CHD6: variants seen among roughly 807,000 people sequenced by gnomAD.
The protein encoded by CHD6 is chromodomain helicase DNA binding protein 6.
In CHD6, 50 loss-of-function variants were observed where a neutral mutation model predicts 276.9. The ratio of observed to expected loss-of-function variants is 0.18; its 90% confidence interval spans 0.14 to 0.23. The LOEUF (loss-of-function observed/expected upper bound fraction) is 0.23, where lower values mean the gene tolerates loss of function less well. Among genes scored for constraint, CHD6 ranks in the 10% least tolerant of loss-of-function variants. The pLI is 1.00. For missense variants in CHD6, 2,564 were observed against 3,365.8 expected, an observed-to-expected ratio of 0.76 and a Z score of 5.89; for synonymous variants, 1,173 against 1,229.3, an observed-to-expected ratio of 0.95 and a Z score of 0.96.
chr20:41,601,054 G>A (rs1471841055), intron 1 of CHD6, among the ~76,000 whole-genome samples: 1 of 152,112 alleles, frequency 6.6e-6, no homozygotes, highest in Non-Finnish European at 1.5e-5. Flanking sequence ...ACCTTTCCAG[G>A]AATTTTCACT....
In CHD6 at chr20:41,404,095, A is replaced by G. The variant is rs2046602769; in HGVS notation, c.*498T>C. On this transcript the variant is annotated 3_prime_UTR_variant, in exon 37 of 37. Coordinates refer to ENST00000373233, the MANE Select transcript of CHD6 (RefSeq NM_032221.5). ...TACTACTCACTTAGTAATCATGATA[A>G]AATAGGGAAATATTTTAACTCAAAA... 3 of 1,051,182 alleles carry G rather than the reference A, an allele frequency of 2.9e-6. No homozygotes were observed. The South Asian group carries it at 1.4e-4, about 48-fold the overall frequency. The allele number at this position is 1,051,182 out of a possible 1,614,324, so 65.1% of individuals were successfully genotyped here. A position where few individuals can be genotyped will look rare whatever the true frequency, so the allele number is the denominator to read the frequency against.
chr20:41,566,089 T>A (rs2045352564), intron 1 of CHD6, among the ~76,000 whole-genome samples: 1 of 151,300 alleles, frequency 6.6e-6, no homozygotes, highest in South Asian at 2.1e-4. Context: ...TGAAGCACAT[T>A]AAAAAAAAAT....
At chr20:41,464,957 G>A (rs2042886689) in intron 17 of CHD6, among the ~76,000 whole-genome samples, 1 of 152,076 alleles carries the variant, frequency 6.6e-6, no homozygotes, top group Admixed American at 6.6e-5. Flanking sequence ...AAAATAAATA[G>A]AGTAATGGAT....
At chr20:41,484,736 T>C in intron 14 of CHD6, 129 bp from the exon 15 acceptor site, 1 of 945,148 alleles carries the variant, frequency 1.1e-6, no homozygotes, top group Non-Finnish European at 1.6e-6. Flanking sequence ...AAAAGAAAGA[T>C]TATGATCGAC....
At chr20:41,551,949 G>C (rs182201124) in intron 1 of CHD6, among the ~76,000 whole-genome samples, 9 of 152,108 alleles carry the variant, frequency 5.9e-5, no homozygotes, top group African/African-American at 2.2e-4. Flanking sequence ...CTCTATCCAG[G>C]ACATAAGCCC....
intron 1 of CHD6, among the ~76,000 whole-genome samples, chr20:41,563,657 T>TTAAGAAGA (rs1601145774): frequency 6.6e-6 from 1 of 152,228 alleles, no homozygotes; most frequent in East Asian, 1.9e-4. Context: ...ATAATTACTA[T>TTAAGAAGA]TAAGAAGAAC....
chr20:41,555,856 T>C (rs1369425058), intron 1 of CHD6, among the ~76,000 whole-genome samples: 9 of 150,254 alleles, frequency 6.0e-5, no homozygotes, highest in African/African-American at 1.9e-4. Flanking sequence ...GGGTGGCGGC[T>C]GGGCAGAGGC....
At chr20:41,516,839 A>C (rs987255922) in intron 3 of CHD6, among the ~76,000 whole-genome samples, 2 of 152,152 alleles carry the variant, frequency 1.3e-5, no homozygotes, top group African/African-American at 2.4e-5. Flanking sequence ...AAATGCTTTG[A>C]AAGGCCCAGC....
At chr20:41,410,936 G>A (rs2046824039) in intron 36 of CHD6, among the ~76,000 whole-genome samples, 1 of 152,194 alleles carries the variant, frequency 6.6e-6, no homozygotes, top group Non-Finnish European at 1.5e-5. Context: ...AAAGGAGAAG[G>A]TGGGAGGCAG....
intron 1 of CHD6, among the ~76,000 whole-genome samples, chr20:41,604,422 GA>G (rs2045806117): frequency 6.6e-6 from 1 of 152,068 alleles, no homozygotes; most frequent in Non-Finnish European, 1.5e-5. Flanking sequence ...AAAACCCCAG[GA>G]ACTACATAAT....
Position 41,420,962 on chromosome 20 carries a change from C to G in CHD6, c.5673G>C (p.Leu1891Phe). The G allele has an allele frequency of 1.9e-6, 3 of 1,614,228 alleles. No homozygotes were observed. The highest frequency in any genetic ancestry group is 2.2e-5 in the East Asian group (1 of 44,886). Residue 1891 changes from leucine (L) to phenylalanine (F), a missense_variant, in exon 31 of 37, where the codon TTG (leucine) becomes TTC (phenylalanine). Physicochemically the swap from Leu to Phe is conservative, Grantham distance 22. This residue lies in a region of CHD6 where 1,024 missense variants were observed against 1,047.9 expected (regional missense o/e 0.98). Transcript: ENST00000373233. ...TGTTAGTAGTGGGCTCCGTGAGATG[C>G]AATACCTCTGGCCTTTCCCCCATGC... ...AVGMGERPEV[L>F]HLTEPTTNIS... is the part of the protein sequence containing the mutation.
chr20:41,533,307 C>T lies in CHD6; in HGVS notation c.297G>A (p.Lys99=). The change falls in exon 3 of 37, where the codon AAG becomes AAA. Residue 99 remains lysine, a synonymous_variant. Coordinates refer to ENST00000373233, the MANE Select transcript of CHD6 (RefSeq NM_032221.5). ...CTGCACCCTCTTGGTCTCCTGGCTCCTTTTTCTTCCGTTTCTTCTTCACTC... is the reference window on the plus strand; with the variant it reads ...CTGCACCCTCTTGGTCTCCTGGCTCTTTTTTCTTCCGTTTCTTCTTCACTC... ...GTGVKKKRKK[K]EPGDQEGAAK... is the part of the protein sequence containing the mutation. 6.2e-7 allele frequency: 1 copy of T among 1,614,066 alleles called. No individual in the cohort carries two copies. Among genetic ancestry groups the T allele is most frequent in the Non-Finnish European group, 8.5e-7 (1 of 1,180,000 alleles).
chr20:41,423,471 A>G (rs1395033693), intron 30 of CHD6, 21 bp downstream of exon 30: 11 of 1,604,906 alleles, frequency 6.9e-6, no homozygotes, highest in African/African-American at 1.3e-5. Flanking sequence ...TCATCTGACA[A>G]TATACTGATA....
chr20:41,547,477 G>T, intron 2 of CHD6: 1 of 366,128 alleles, frequency 2.7e-6, no homozygotes. Flanking sequence ...AGGTGCACCG[G>T]GGGTGAAGTC....
chr20:41,426,748 G>T (rs1333189104), intron 27 of CHD6, among the ~76,000 whole-genome samples: 1 of 152,134 alleles, frequency 6.6e-6, no homozygotes, highest in Non-Finnish European at 1.5e-5. Flanking sequence ...CACTGAGCTT[G>T]CCCAAGTCGG....
intron 36 of CHD6, 81 bp from the exon 37 acceptor site, chr20:41,405,570 A>G: frequency 8.9e-7 from 1 of 1,117,940 alleles, no homozygotes; most frequent in Non-Finnish European, 1.3e-6. Context: ...AGGGCTCTGC[A>G]CTGGCCTGGC....
At chr20:41,562,116 A>AC in intron 1 of CHD6, among the ~76,000 whole-genome samples, 1 of 152,144 alleles carries the variant, frequency 6.6e-6, no homozygotes, top group Non-Finnish European at 1.5e-5. Context: ...ACAAAACAAA[A>AC]AAAAAACTCT....
chr20:41,496,020 G>C (rs1434502931), intron 8 of CHD6, among the ~76,000 whole-genome samples: 1 of 152,204 alleles, frequency 6.6e-6, no homozygotes, highest in Non-Finnish European at 1.5e-5. Flanking sequence ...TCCTCTTGCA[G>C]CTGCCCTCAG....
intron 10 of CHD6, among the ~76,000 whole-genome samples, chr20:41,493,334 A>G (rs1024540060): frequency 6.6e-6 from 1 of 152,166 alleles, no homozygotes; most frequent in African/African-American, 2.4e-5. Context: ...ATACATCAAA[A>G]TAGACCTGAG....
Sources: gnomAD v4.1 joint callset for allele counts (sites outside exome capture counted in the v4.1 genomes callset) on GRCh38, gnomAD v4.1.1 for gene constraint, gnomAD v4.1.1 regional missense constraint, MANE v1.5 for transcripts, NCBI Gene and HGNC (gene_info 2026-07-23, HGNC 2026-07-21) for gene names.